Variants in KALRN observed in about 807,000 individuals in gnomAD.
KALRN encodes the protein kalirin RhoGEF kinase, also known as kalirin.
KALRN carries 70 observed loss-of-function variants against 353.7 expected under a neutral mutation model. The ratio of observed to expected loss-of-function variants is 0.20; its 90% CI spans 0.16 to 0.24. The LOEUF (loss-of-function observed/expected upper bound fraction) is 0.24. Ranked by LOEUF, KALRN falls within the 10% of genes least tolerant of loss-of-function variation. The probability of loss-of-function intolerance (pLI) is 1.00; values close to 1 mark genes in which losing one functional copy is unlikely to be tolerated. For synonymous variants in KALRN, 1,391 were observed against 1,434.8 expected, an observed-to-expected ratio of 0.97 and a Z score of 0.69; for missense variants, 2,791 against 3,756.7, an observed-to-expected ratio of 0.74 and a Z score of 6.72.
intron 10 of KALRN, among the ~76,000 whole-genome samples, chr3:124,360,262 C>A (rs986434727): frequency 5.3e-5 from 8 of 152,184 alleles, no homozygotes; most frequent in Non-Finnish European, 8.8e-5. Flanking sequence ...GTTATGGAAA[C>A]TGAGTACCAG....
Position 124,655,632 on chromosome 3 carries a change from A to G in KALRN, c.5827A>G (p.Lys1943Glu). Reference protein sequence around the residue: ...FVLNELVQTEKDYVKDLGIVV... With the variant: ...FVLNELVQTEEDYVKDLGIVV... ...CCTGAATGAGCTGGTACAGACAGAG[A>G]AAGACTATGTCAAGGATCTGGGCAT... Residue 1943 changes from lysine to glutamate, a missense_variant, in exon 39 of 60, where the codon AAA becomes GAA. Physicochemically the swap from Lys to Glu is moderately conservative, Grantham distance 56. Around this residue, in one of 11 missense-constraint regions of KALRN, gnomAD observed 1,065 missense variants for 1,156.4 expected, o/e 0.92. Coordinates refer to ENST00000682506, the MANE Select transcript of KALRN (RefSeq NM_001388419.1). 1.2e-6 allele frequency: 2 copies of G among 1,614,084 alleles called. No homozygotes were observed. Among genetic ancestry groups the G allele is most frequent in the Non-Finnish European group, 1.7e-6 (2 of 1,179,924 alleles).
chr3:124,689,829 C>T (rs11720590), intron 51 of KALRN, among the ~76,000 whole-genome samples: 5,052 of 152,132 alleles, frequency 0.033, 104 homozygotes, highest in East Asian at 0.079. Context: ...GCATAAAACA[C>T]GGGAAAGGGT....
chr3:124,659,751 T>A (rs2084576619), intron 43 of KALRN, among the ~76,000 whole-genome samples: 1 of 151,964 alleles, frequency 6.6e-6, no homozygotes, highest in Non-Finnish European at 1.5e-5. Flanking sequence ...ACTTGATACC[T>A]TTAAAAAATA....
chr3:124,327,158 A>G (rs1185483375), intron 7 of KALRN, among the ~76,000 whole-genome samples: 1 of 152,208 alleles, frequency 6.6e-6, no homozygotes, highest in Non-Finnish European at 1.5e-5. Context: ...TCTTAAGAAA[A>G]TGAGGGAGAA....
At chr3:124,186,866 C>G (rs779620704) in intron 1 of KALRN, among the ~76,000 whole-genome samples, 1 of 152,110 alleles carries the variant, frequency 6.6e-6, no homozygotes, top group Non-Finnish European at 1.5e-5. Flanking sequence ...TCCTCCTGAG[C>G]AGGGTTTTTG....
rs374374067 is a variant in KALRN at position 124,048,574 on chromosome 3, C to T, written c.73+14761C>T. ...TCGGCTCACTGCAAGCTCCGCCTCC[C>T]GGGTTCACACCATTCTCCTGCCTCA... On this transcript the variant is annotated intron_variant, in intron 1 of 59. Coordinates refer to ENST00000682506, the MANE Select transcript of KALRN (RefSeq NM_001388419.1). Among the ~76,000 whole-genome samples, 76 of 152,090 alleles carry T rather than the reference C, an allele frequency of 5.0e-4. No homozygotes were observed. The East Asian group carries it at 9.5e-3, about 19-fold the overall frequency.
At chr3:124,522,631 T>C (rs1266904105) in intron 33 of KALRN, among the ~76,000 whole-genome samples, 12 of 152,214 alleles carry the variant, frequency 7.9e-5, no homozygotes, top group Admixed American at 7.9e-4. Context: ...ACTGCAGGGC[T>C]GCACCCCCGG....
chr3:124,503,186 C>T (rs2108681065), intron 33 of KALRN, among the ~76,000 whole-genome samples: 1 of 152,304 alleles, frequency 6.6e-6, no homozygotes, highest in Non-Finnish European at 1.5e-5. Context: ...AAAAACACTT[C>T]AAACCCTTAA....
chr3:124,082,687 A>G (rs551154823), intron 1 of KALRN, among the ~76,000 whole-genome samples: 14 of 152,302 alleles, frequency 9.2e-5, no homozygotes, highest in African/African-American at 3.4e-4. Context: ...ATGACAAACA[A>G]TGACTTCGGT....
At chr3:124,652,150 A>G (rs1425664417) in intron 38 of KALRN, among the ~76,000 whole-genome samples, 1 of 152,214 alleles carries the variant, frequency 6.6e-6, no homozygotes, top group Non-Finnish European at 1.5e-5. Flanking sequence ...ACTAGCAAAA[A>G]TAAGTGAGGC....
chr3:124,387,810 T>A (rs2088634008), intron 11 of KALRN, among the ~76,000 whole-genome samples: 1 of 152,110 alleles, frequency 6.6e-6, no homozygotes, highest in Admixed American at 6.5e-5. Context: ...ATTTTATTTT[T>A]TTTTTCAGGA....
At chr3:124,705,618 G>T (rs1353768384) in intron 57 of KALRN, among the ~76,000 whole-genome samples, 2 of 152,104 alleles carry the variant, frequency 1.3e-5, no homozygotes, top group Non-Finnish European at 2.9e-5. Flanking sequence ...GTCTCAGAAG[G>T]GAGTGAAAAC....
At chr3:124,455,499 G>A (rs1205548458) in intron 22 of KALRN, 140 bp downstream of exon 22, 2 of 770,924 alleles carry the variant, frequency 2.6e-6, no homozygotes, top group Admixed American at 2.9e-5. Flanking sequence ...GACTTGTGTG[G>A]CTTTTCTAGT....
intron 1 of KALRN, among the ~76,000 whole-genome samples, chr3:124,193,180 A>G (rs2150329617): frequency 6.6e-6 from 1 of 152,270 alleles, no homozygotes; most frequent in East Asian, 1.9e-4. Context: ...CCCAGGCTCC[A>G]TGAAAGTTGG....
At chr3:124,328,470 A>G (rs1489008826) in intron 7 of KALRN, among the ~76,000 whole-genome samples, 1 of 152,198 alleles carries the variant, frequency 6.6e-6, no homozygotes, top group African/African-American at 2.4e-5. Flanking sequence ...GCCTTGAAGG[A>G]GTGTTCCCCC....
At chr3:124,250,889 G>A (rs1049013062) in intron 3 of KALRN, among the ~76,000 whole-genome samples, 2 of 152,130 alleles carry the variant, frequency 1.3e-5, no homozygotes, top group African/African-American at 4.8e-5. Flanking sequence ...TGGGAAATAG[G>A]GCAGGAAGCT....
intron 21 of KALRN, 162 bp from the exon 22 acceptor site, chr3:124,455,015 C>T: frequency 3.0e-6 from 2 of 657,010 alleles, no homozygotes; most frequent in East Asian, 2.7e-5. Flanking sequence ...GTTTCAATAA[C>T]TTGCTCGAGA....
At chr3:124,135,125 C>A (rs967386680) in intron 1 of KALRN, among the ~76,000 whole-genome samples, 2 of 152,084 alleles carry the variant, frequency 1.3e-5, no homozygotes, top group Non-Finnish European at 2.9e-5. Flanking sequence ...TGGAACCAAC[C>A]CAAATGCCCA....
At chr3:124,607,807 G>A (rs657565) in intron 34 of KALRN, among the ~76,000 whole-genome samples, 90,962 of 151,268 alleles carry the variant, frequency 0.6, 28,454 homozygotes, top group East Asian at 0.83. Flanking sequence ...GTAGAGACAC[G>A]TTGACCAGGC....
Sources: allele counts gnomAD v4.1 joint callset (sites outside exome capture counted in the v4.1 genomes callset), GRCh38; gene constraint gnomAD v4.1.1; regional missense constraint gnomAD v4.1.1; transcripts MANE v1.5; gene names NCBI Gene and HGNC (gene_info 2026-07-23, HGNC 2026-07-21).